The following HIPK3 variants were observed in gnomAD, a reference collection of about 807,000 sequenced individuals.
HIPK3 encodes the protein homeodomain-interacting protein kinase 3.
HIPK3 carries 47 observed loss-of-function variants against 124.2 expected under a neutral mutation model. The observed-to-expected ratio is 0.38, with a 90% CI of 0.30 to 0.48. HIPK3 has a LOEUF of 0.48. HIPK3 is among the 20% of genes least tolerant of loss of function. The pLI is 0.98. For missense variants in HIPK3, 1,286 were observed against 1,454.3 expected (o/e 0.88, Z 1.88); for synonymous variants, 482 against 515.2 (o/e 0.94, Z 0.87).
Position 33,339,471 on chromosome 11 carries a change from C to T in HIPK3, c.1550C>T (p.Ala517Val). 2.5e-6 allele frequency: 4 copies of T among 1,612,988 alleles called. No homozygotes were observed. The highest frequency in any genetic ancestry group is 3.4e-6 in the Non-Finnish European group (4 of 1,179,144). The change falls in exon 6 of 17, where the codon GCT becomes GTT. Residue 517 changes from alanine to valine, a missense_variant. Around this residue, in one of 3 missense-constraint regions of HIPK3, gnomAD observed 810 missense variants for 864.9 expected, o/e 0.94. Transcript: ENST00000303296. The part of the protein sequence containing the change: ...LIDADLRITP[A>V]ETLNHPFVNM... ...GATGCAGATTTAAGAATTACTCCAG[C>T]TGAGACCCTGAACCATCCTTTTGTT...
intron 3 of HIPK3, among the ~76,000 whole-genome samples, chr11:33,333,123 A>C (rs1227367936): frequency 6.6e-6 from 1 of 152,196 alleles, no homozygotes; most frequent in Non-Finnish European, 1.5e-5. Context: ...TTATATTTCA[A>C]CATGAGATTT....
At chr11:33,291,388 T>C (rs769152951) in intron 2 of HIPK3, among the ~76,000 whole-genome samples, 32 of 152,272 alleles carry the variant, frequency 2.1e-4, no homozygotes, top group Non-Finnish European at 4.0e-4. Flanking sequence ...TCCTGATTTC[T>C]GAGGTAAACG....
At chr11:33,347,823 T>G (rs1853542839) in intron 10 of HIPK3, 29 bp from the exon 11 acceptor site, 1 of 1,613,524 alleles carries the variant, frequency 6.2e-7, no homozygotes, top group Non-Finnish European at 8.5e-7. Context: ...AGATCTTGAT[T>G]AAAAACATTG....
chr11:33,319,791 T>C (rs1852611625), intron 2 of HIPK3, among the ~76,000 whole-genome samples: 1 of 152,192 alleles, frequency 6.6e-6, no homozygotes, highest in Non-Finnish European at 1.5e-5. Flanking sequence ...CTTGCCCCCA[T>C]GGAATTTATG....
intron 3 of HIPK3, among the ~76,000 whole-genome samples, chr11:33,330,514 A>G (rs1022862445): frequency 3.3e-5 from 5 of 152,134 alleles, no homozygotes; most frequent in Non-Finnish European, 1.5e-5. Flanking sequence ...TTTTTAGTAG[A>G]GATGGGGTTT....
intron 2 of HIPK3, among the ~76,000 whole-genome samples, chr11:33,326,848 T>G (rs4755566): frequency 6.6e-6 from 1 of 151,524 alleles, no homozygotes; most frequent in Non-Finnish European, 1.5e-5. Flanking sequence ...TTAAAAAAAA[T>G]TTTTTCTTTT....
chr11:33,350,540 G>A (rs1853627128), intron 14 of HIPK3, among the ~76,000 whole-genome samples: 1 of 151,456 alleles, frequency 6.6e-6, no homozygotes. Flanking sequence ...AGGATGTGGT[G>A]TTGCATGCCT....
chr11:33,271,261 T>C (rs938276486), intron 1 of HIPK3, among the ~76,000 whole-genome samples: 2 of 152,210 alleles, frequency 1.3e-5, no homozygotes, highest in Non-Finnish European at 2.9e-5. Context: ...AGATTCTATC[T>C]AGTTTCTTGT....
chr11:33,270,142 T>G (rs952167988), intron 1 of HIPK3, among the ~76,000 whole-genome samples: 2 of 152,046 alleles, frequency 1.3e-5, no homozygotes, highest in Non-Finnish European at 1.5e-5. Flanking sequence ...GACGCCTGGC[T>G]AATTTTTTGT....
upstream of HIPK3, chr11:33,257,249 G>A (rs914876360): frequency 1.4e-5 from 14 of 983,828 alleles, no homozygotes; most frequent in African/African-American, 1.4e-4. Flanking sequence ...GGGGCTTCAC[G>A]GAGGCGCCGC....
Position 33,297,443 on chromosome 11 carries a change from C to T in HIPK3, c.1097+9932C>T, listed in dbSNP as rs141798181. Reference sequence around the variant, plus strand: ...AAGTGATCAAATTAGTCACAACATTCCCTTAAGCCAAACTCTAAGCCAGAG... The same window carrying T: ...AAGTGATCAAATTAGTCACAACATTTCCTTAAGCCAAACTCTAAGCCAGAG... On this transcript the variant is annotated intron_variant, in intron 2 of 16. Coordinates refer to ENST00000303296, the MANE Select transcript of HIPK3 (RefSeq NM_005734.5). 1.5e-3 allele frequency among the ~76,000 whole-genome samples: 229 copies of T among 152,246 alleles called. 2 individuals carry two copies. Among genetic ancestry groups the T allele is most frequent in the African/African-American group, 5.4e-3 (223 of 41,552 alleles).
At chr11:33,257,160 G>A (rs1385380167), upstream of HIPK3, among the ~76,000 whole-genome samples, 3 of 152,042 alleles carry the variant, frequency 2.0e-5, no homozygotes, top group Non-Finnish European at 2.9e-5. Context: ...GCGGGACTCC[G>A]GGTTGGGGCC....
chr11:33,339,587 G>T, intron 6 of HIPK3, 53 bp downstream of exon 6: 1 of 1,228,546 alleles, frequency 8.1e-7, no homozygotes, highest in Non-Finnish European at 1.1e-6. Context: ...TAAGTCTGTA[G>T]AAAATGACTG....
At position 33,257,669 on chromosome 11, in the gene HIPK3, C is replaced by T. The variant is rs1415956799; in HGVS notation, c.-223C>T. ...CGGGCCCGGCGCTTAGCAGCCAGAG[C>T]AGCAGCAGCAGCAGCAGCGGTCGGG... On this transcript the variant is annotated 5_prime_UTR_variant, in exon 1 of 17. Transcript: ENST00000303296. 2 of 985,690 alleles carry T rather than the reference C, an allele frequency of 2.0e-6. No homozygotes were observed. Among genetic ancestry groups the T allele is most frequent in the Middle Eastern group, 4.8e-4 (1 of 2,064 alleles). 61.1% of individuals were successfully genotyped at this position (985,690 alleles called of 1,614,324 possible). A position where few individuals can be genotyped will look rare whatever the true frequency, so the allele number is the denominator to read the frequency against.
chr11:33,339,413 T>C lies in HIPK3; in HGVS notation c.1492T>C (p.Phe498Leu), dbSNP rs749959602. 4 of 1,613,586 alleles carry C rather than the reference T, an allele frequency of 2.5e-6. No individual in the cohort carries two copies. In the African/African-American group the frequency reaches 4.0e-5, roughly 16 times the overall value. Residue 498 changes from phenylalanine (F) to leucine (L), a missense_variant, in exon 6 of 17, where the codon TTT becomes CTT. This residue lies in a region of HIPK3 where 810 missense variants were observed against 864.9 expected (regional missense o/e 0.94). Transcript: ENST00000303296. ...GGCTGAGAAAGCTGATAGAAGAGAA[T>C]TTGTTAGTCTGTTGAAGAAAATGTT... ...LLAEKADRRE[F>L]VSLLKKMLLI...
In HIPK3 at chr11:33,286,544, T is replaced by A. The variant is rs769199253; in HGVS notation, c.130T>A (p.Tyr44Asn). 1 of 1,613,990 alleles carries A rather than the reference T, an allele frequency of 6.2e-7. No homozygotes were observed. The highest frequency in any genetic ancestry group is 1.3e-5 in the African/African-American group (1 of 74,900). Residue 44 changes from tyrosine to asparagine, a missense_variant, in exon 2 of 17, where the codon TAT (tyrosine) becomes AAT (asparagine). By Grantham distance (143) the Tyr-to-Asn change is moderately radical. Around this residue, in one of 3 missense-constraint regions of HIPK3, gnomAD observed 225 missense variants for 240.3 expected, o/e 0.94. Coordinates refer to ENST00000303296, the MANE Select transcript of HIPK3 (RefSeq NM_005734.5). ...VFQERNYPRTYVNGRNFGNSH... is the reference protein window; with the variant it reads ...VFQERNYPRTNVNGRNFGNSH... ...CCAGGAAAGAAACTATCCACGGACC[T>A]ATGTGAATGGTAGAAACTTTGGAAA...
intron 8 of HIPK3, among the ~76,000 whole-genome samples, chr11:33,346,315 G>A (rs934785081): frequency 1.3e-5 from 2 of 152,154 alleles, no homozygotes; most frequent in African/African-American, 4.8e-5. Flanking sequence ...TAGCATGTTT[G>A]TTCTGGAGTT....
chr11:33,257,305 C>G, upstream of HIPK3: 2 of 983,368 alleles, frequency 2.0e-6, no homozygotes, highest in Non-Finnish European at 1.2e-6. Context: ...GCAGCGCTGC[C>G]GGGCGGGCGG....
intron 2 of HIPK3, among the ~76,000 whole-genome samples, chr11:33,289,731 C>G (rs1851649674): frequency 6.6e-6 from 1 of 152,124 alleles, no homozygotes; most frequent in South Asian, 2.1e-4. Flanking sequence ...TGTGGTCACT[C>G]TGTTGTGCTA....
Sources: gnomAD v4.1 joint callset for allele counts (sites outside exome capture counted in the v4.1 genomes callset) on GRCh38, gnomAD v4.1.1 for gene constraint, gnomAD v4.1.1 regional missense constraint, MANE v1.5 for transcripts, NCBI Gene and HGNC (gene_info 2026-07-23, HGNC 2026-07-21) for gene names.